The following PIEZO2 variants were observed in gnomAD, a reference collection of about 807,000 sequenced individuals.
The protein encoded by PIEZO2 is piezo type mechanosensitive ion channel component 2, also known as piezo-type mechanosensitive ion channel component 2.
A neutral mutation model predicts 337.3 loss-of-function variants in PIEZO2; 172 were observed. That is an observed-to-expected ratio of 0.51 (90% CI 0.45 to 0.58). PIEZO2 has a LOEUF of 0.58. PIEZO2 is among the 20% of genes least tolerant of loss of function. The pLI is 0.00. For synonymous variants in PIEZO2, 1,251 were observed against 1,228.5 expected, an observed-to-expected ratio of 1.02 and a Z score of -0.38; for missense variants, 3,028 against 3,391.3, an observed-to-expected ratio of 0.89 and a Z score of 2.66.
chr18:10,756,321 G>A (rs1406842398), intron 27 of PIEZO2, among the ~76,000 whole-genome samples: 8 of 150,988 alleles, frequency 5.3e-5, no homozygotes, highest in Non-Finnish European at 1.0e-4. Flanking sequence ...AGGATGAAGA[G>A]GAAGGATGGG....
chr18:10,999,372 C>T (rs775681631), intron 2 of PIEZO2, among the ~76,000 whole-genome samples: 1 of 152,074 alleles, frequency 6.6e-6, no homozygotes, highest in South Asian at 2.1e-4. Flanking sequence ...TATCTGTGGA[C>T]TCCATATCCA....
At chr18:11,014,930 GC>G (rs1466246115) in intron 2 of PIEZO2, among the ~76,000 whole-genome samples, 15 of 132,198 alleles carry the variant, frequency 1.1e-4, no homozygotes, top group African/African-American at 1.5e-4. Context: ...GCGATCCGGG[GC>G]CCCCCTCATT....
Position 10,815,101 on chromosome 18 carries a change from A to G in PIEZO2, c.918-7827T>C, listed in dbSNP as rs550043058. 5.9e-5 allele frequency among the ~76,000 whole-genome samples: 9 copies of G among 152,270 alleles called. No individual in the cohort carries two copies. In the East Asian group the frequency reaches 1.5e-3, roughly 26 times the overall value. Reference sequence around the variant, plus strand: ...AATAATTAACTTTTCTTTTTCTTCCATCCCCTACCGACCCTTTCCCCACTC... The same window carrying G: ...AATAATTAACTTTTCTTTTTCTTCCGTCCCCTACCGACCCTTTCCCCACTC... On this transcript the variant is annotated intron_variant, in intron 7 of 55. Coordinates refer to ENST00000674853, the MANE Select transcript of PIEZO2 (RefSeq NM_001378183.1). The surrounding 1 kb of genome is among the most constrained non-coding windows in gnomAD (Gnocchi z 4.1).
chr18:11,103,355 C>G (rs912902396), intron 1 of PIEZO2, among the ~76,000 whole-genome samples: 4 of 152,124 alleles, frequency 2.6e-5, no homozygotes, highest in African/African-American at 9.7e-5. Context: ...GGATTACAGG[C>G]AAGATTTTTA....
intron 1 of PIEZO2, among the ~76,000 whole-genome samples, chr18:11,141,144 A>G (rs982167831): frequency 6.6e-6 from 1 of 152,218 alleles, no homozygotes; most frequent in Admixed American, 6.5e-5. Flanking sequence ...TGAGAAACCT[A>G]CATGGAAAAC....
rs2040424632 is a variant in PIEZO2 at position 11,134,415 on chromosome 18, T to A, written c.64+14110A>T. On this transcript the variant is annotated intron_variant, in intron 1 of 55. Transcript: ENST00000674853. ...ACAAGCACACGTAAGAAAAAGGCAG[T>A]CCCAATTGTCCTTCCCTCTCACGGC... 4.6e-5 allele frequency among the ~76,000 whole-genome samples: 7 copies of A among 152,300 alleles called. No individual in the cohort carries two copies. The South Asian group carries it at 1.4e-3, about 32-fold the overall frequency.
chr18:10,809,511 G>A (rs927750438), intron 7 of PIEZO2, among the ~76,000 whole-genome samples: 7 of 151,006 alleles, frequency 4.6e-5, no homozygotes, highest in South Asian at 2.1e-4. Context: ...CTCGTGATCC[G>A]CCCACCTTGG....
intron 41 of PIEZO2, 65 bp from the exon 42 acceptor site, chr18:10,704,717 T>C: frequency 6.7e-7 from 1 of 1,492,186 alleles, no homozygotes; most frequent in Non-Finnish European, 8.9e-7. Context: ...GGAGTTTTGC[T>C]CTTGTTGCCC....
chr18:11,084,914 A>G (rs1280513349), intron 1 of PIEZO2, among the ~76,000 whole-genome samples: 2 of 152,220 alleles, frequency 1.3e-5, no homozygotes, highest in African/African-American at 4.8e-5. Flanking sequence ...GTCACATATC[A>G]GCTGTCCTTA....
rs2038570736 is a variant in PIEZO2, at chr18:11,077,016, A to G, written c.65-10794T>C. Among the ~76,000 whole-genome samples the G allele has an allele frequency of 6.6e-6, 1 of 152,210 alleles. No homozygotes were observed. ...CTGATCTGACAGAATAGCACCACAC[A>G]TTGCCTCTCATAATTGCAAATGAGG... On this transcript the variant is annotated intron_variant, in intron 1 of 55. Coordinates refer to ENST00000674853, the MANE Select transcript of PIEZO2 (RefSeq NM_001378183.1). This position sits in a 1 kb window ranked among gnomAD's most constrained non-coding sequence, Gnocchi z 4.8.
chr18:11,064,188 T>C (rs917353907), intron 2 of PIEZO2, among the ~76,000 whole-genome samples: 3 of 152,222 alleles, frequency 2.0e-5, no homozygotes, highest in Non-Finnish European at 2.9e-5. Flanking sequence ...ACGCATGTGT[T>C]CTGCCTACAT....
In PIEZO2 at chr18:10,973,721, C is replaced by T. The variant is rs144130545; in HGVS notation, c.286+5814G>A. 2.9e-3 allele frequency among the ~76,000 whole-genome samples: 436 copies of T among 152,092 alleles called. 1 individual carries two copies. The highest frequency in any genetic ancestry group is 9.3e-3 in the African/African-American group (386 of 41,486). On this transcript the variant is annotated intron_variant, in intron 3 of 55. Coordinates refer to ENST00000674853, the MANE Select transcript of PIEZO2 (RefSeq NM_001378183.1). This position sits in a 1 kb window ranked among gnomAD's most constrained non-coding sequence, Gnocchi z 4.9. ...GTTAGGGAATGGAAAGAGAAGGGGA[C>T]GGGGCAAGGTGAGGAACCCAAGCCT...
intron 42 of PIEZO2, among the ~76,000 whole-genome samples, chr18:10,702,721 C>T (rs954525271): frequency 6.6e-6 from 1 of 152,194 alleles, no homozygotes; most frequent in Non-Finnish European, 1.5e-5. Flanking sequence ...TATTCTGGTG[C>T]GTAGCAGGGT....
rs1280842911 is a variant in PIEZO2, at chr18:11,102,502, C to T, written c.65-36280G>A. On this transcript the variant is annotated intron_variant, in intron 1 of 55. Transcript: ENST00000674853. This position sits in a 1 kb window ranked among gnomAD's most constrained non-coding sequence, Gnocchi z 5.7. Reference sequence around the variant, plus strand: ...CCAGCCTTTACCCTTATTCCCTTTCCTTCCCCTGCCTAGGGCAGAGCAGAG... The same window carrying T: ...CCAGCCTTTACCCTTATTCCCTTTCTTTCCCCTGCCTAGGGCAGAGCAGAG... Among the ~76,000 whole-genome samples the T allele has an allele frequency of 6.6e-6, 1 of 152,220 alleles. No individual in the cohort carries two copies. The highest frequency in any genetic ancestry group is 1.5e-5 in the Non-Finnish European group (1 of 68,034).
In PIEZO2 at chr18:10,801,384, A is replaced by G; in HGVS notation, c.1239+6T>C. Reference sequence around the variant, plus strand: ...GCATAAATGATAATTCTAAGGGTATACTAACATCAGATGGTTTGTAGTCAT... The same window carrying G: ...GCATAAATGATAATTCTAAGGGTATGCTAACATCAGATGGTTTGTAGTCAT... On this transcript the variant is annotated splice_donor_region_variant and intron_variant, in intron 10 of 55. Transcript: ENST00000674853. The G allele has an allele frequency of 6.7e-7, 1 of 1,485,270 alleles. No homozygotes were observed. The highest frequency in any genetic ancestry group is 9.1e-7 in the Non-Finnish European group (1 of 1,099,328). 92.0% of individuals were successfully genotyped at this position (1,485,270 alleles called of 1,614,324 possible). A position where few individuals can be genotyped will look rare whatever the true frequency, so the allele number is the denominator to read the frequency against.
intron 7 of PIEZO2, among the ~76,000 whole-genome samples, chr18:10,812,235 A>G (rs995793942): frequency 2.0e-5 from 3 of 152,226 alleles, no homozygotes; most frequent in Admixed American, 6.5e-5. Flanking sequence ...GAATGATTCC[A>G]AGATCCTTCA....
At chr18:10,967,987 T>C (rs2034081405) in intron 3 of PIEZO2, among the ~76,000 whole-genome samples, 1 of 152,184 alleles carries the variant, frequency 6.6e-6, no homozygotes, top group Non-Finnish European at 1.5e-5. Flanking sequence ...TCTTCGTTTT[T>C]GTTGCATTTG....
chr18:10,749,142 T>C (rs10502403), intron 29 of PIEZO2, among the ~76,000 whole-genome samples: 127,328 of 152,156 alleles, frequency 0.84, 53,826 homozygotes, highest in African/African-American at 0.96. Flanking sequence ...GAAATAGAAA[T>C]CACATAATAA....
At position 10,704,529 on chromosome 18, in the gene PIEZO2, G is replaced by A. The variant is rs563170217; in HGVS notation, c.6123C>T (p.Phe2041=). The change falls in exon 42 of 56, where the codon TTC becomes TTT. Residue 2041 remains phenylalanine (F), a synonymous_variant. Transcript: ENST00000674853. The part of the protein sequence containing the change: ...LVARSEMVCY[F]VIILNHMVSA... ...AGACCATGTGGTTGAGGATGATCAC[G>A]AAGTAGCACACCATCTCCGAGCGGG... 36 of 1,537,236 alleles carry A rather than the reference G, an allele frequency of 2.3e-5. No homozygotes were observed. In the East Asian group the frequency reaches 3.4e-4, roughly 15 times the overall value.
Sources: gnomAD v4.1 joint callset for allele counts (sites outside exome capture counted in the v4.1 genomes callset) on GRCh38, gnomAD v4.1.1 for gene constraint, Gnocchi (gnomAD v3.1) non-coding constraint, MANE v1.5 for transcripts, NCBI Gene and HGNC (gene_info 2026-07-23, HGNC 2026-07-21) for gene names.